The following MYO3B variants were observed in gnomAD, a reference collection of about 807,000 sequenced individuals.
MYO3B encodes myosin IIIB, also known as myosin-IIIb.
In MYO3B, 156 loss-of-function variants were observed where a neutral mutation model predicts 174.6. The observed-to-expected ratio is 0.89, with a 90% CI of 0.78 to 1.02. The LOEUF (loss-of-function observed/expected upper bound fraction) is 1.02, where lower values mean the gene tolerates loss of function less well. MYO3B is among the 50% of genes least tolerant of loss of function. The pLI is 0.00. For synonymous variants in MYO3B, 563 were observed against 569.1 expected (o/e 0.99, Z 0.15); for missense variants, 1,632 against 1,639.4 (o/e 1.00, Z 0.08).
chr2:170,444,866 A>G (rs1199490434), intron 23 of MYO3B, among the ~76,000 whole-genome samples: 2 of 152,208 alleles, frequency 1.3e-5, no homozygotes, highest in Non-Finnish European at 2.9e-5. Context: ...AAACATTAGT[A>G]CTATCTGGGC....
chr2:170,640,441 G>A (rs567463080), intron 32 of MYO3B: 6 of 152,278 alleles, frequency 3.9e-5, no homozygotes, highest in South Asian at 2.1e-4. Flanking sequence ...AAGTGCTGAG[G>A]TGGTTATCAT....
At chr2:170,540,924 A>G (rs1690057993) in intron 30 of MYO3B, among the ~76,000 whole-genome samples, 1 of 152,182 alleles carries the variant, frequency 6.6e-6, no homozygotes, top group African/African-American at 2.4e-5. Flanking sequence ...GCCTCTCGGG[A>G]AAGAAACCTG....
rs190790261 is a variant in MYO3B, at chr2:170,372,009, C to T, written c.971+2632C>T. On this transcript the variant is annotated intron_variant, in intron 9 of 34. Transcript: ENST00000408978. ...GTGCATGGTGGCACATGCCTGTAGTCCCCGGAGGCTGACATGGCAGGATCA... is the reference window on the plus strand; with the variant it reads ...GTGCATGGTGGCACATGCCTGTAGTTCCCGGAGGCTGACATGGCAGGATCA... 3.7e-3 allele frequency among the ~76,000 whole-genome samples: 559 copies of T among 150,046 alleles called. 9 individuals are homozygous for T. Among genetic ancestry groups the T allele is most frequent in the East Asian group, 1.8e-3 (9 of 4,978 alleles).
At chr2:170,507,555 A>G (rs1687689892) in intron 28 of MYO3B, among the ~76,000 whole-genome samples, 1 of 151,950 alleles carries the variant, frequency 6.6e-6, no homozygotes, top group Non-Finnish European at 1.5e-5. Flanking sequence ...ATGCACCACC[A>G]CACCCAGCTC....
chr2:170,362,444 A>G (rs564796111), intron 8 of MYO3B, among the ~76,000 whole-genome samples: 3 of 152,286 alleles, frequency 2.0e-5, no homozygotes, highest in African/African-American at 4.8e-5. Context: ...CTCTGGCAAG[A>G]TGGCAGCTGC....
At chr2:170,577,722 T>G (rs1023996709) in intron 32 of MYO3B, among the ~76,000 whole-genome samples, 14 of 152,190 alleles carry the variant, frequency 9.2e-5, no homozygotes, top group African/African-American at 3.4e-4. Context: ...TTTTAGAAGA[T>G]TCATTTTCCT....
intron 32 of MYO3B, chr2:170,641,082 A>G (rs917681298): frequency 1.3e-5 from 2 of 152,186 alleles, no homozygotes. Context: ...TCCTACTCCA[A>G]TAGACTGGCA....
At chr2:170,184,197 A>T (rs2092436492) in intron 1 of MYO3B, among the ~76,000 whole-genome samples, 1 of 152,140 alleles carries the variant, frequency 6.6e-6, no homozygotes, top group South Asian at 2.1e-4. Context: ...ATTTCTTTGT[A>T]TTACAATCTA....
intron 7 of MYO3B, among the ~76,000 whole-genome samples, chr2:170,291,702 T>C (rs1307180694): frequency 1.0e-5 from 1 of 99,080 alleles, no homozygotes; most frequent in African/African-American, 3.8e-5. Context: ...CATAGTATTC[T>C]TGGATGACAG....
At chr2:170,258,698 G>T (rs2093323326) in intron 7 of MYO3B, among the ~76,000 whole-genome samples, 1 of 152,102 alleles carries the variant, frequency 6.6e-6, no homozygotes, top group Non-Finnish European at 1.5e-5. Flanking sequence ...AGTATTGGAA[G>T]TTCTAGCCAG....
chr2:170,648,881 ATATAT>A (rs1192850274), intron 32 of MYO3B, among the ~76,000 whole-genome samples: 1 of 76,274 alleles, frequency 1.3e-5, no homozygotes, highest in African/African-American at 5.0e-5. Flanking sequence ...TTTATATTCT[ATATAT>A]TATATATGAA....
chr2:170,284,186 A>C (rs1549345), intron 7 of MYO3B, among the ~76,000 whole-genome samples: 127,274 of 152,142 alleles, frequency 0.84, 53,623 homozygotes, highest in East Asian at 0.96. Flanking sequence ...AAATGCCTCT[A>C]ATTATGGGAC....
chr2:170,187,707 T>G (rs2092484018), intron 1 of MYO3B, among the ~76,000 whole-genome samples: 1 of 152,238 alleles, frequency 6.6e-6, no homozygotes, highest in Non-Finnish European at 1.5e-5. Context: ...TATGTTTCCT[T>G]CTTAATTTCT....
chr2:170,453,450 ACAC>A (rs1301889025), intron 23 of MYO3B, among the ~76,000 whole-genome samples: 12 of 118,976 alleles, frequency 1.0e-4, no homozygotes, highest in African/African-American at 2.4e-4. Flanking sequence ...ACACACACAC[ACAC>A]GAGAGAGAGA....
chr2:170,485,860 C>G (rs972084235), intron 25 of MYO3B, among the ~76,000 whole-genome samples: 4 of 152,274 alleles, frequency 2.6e-5, no homozygotes, highest in Non-Finnish European at 4.4e-5. Flanking sequence ...TCACTGGAAA[C>G]AAGTCACTTA....
At chr2:170,650,739 A>AG (rs1192010413) in intron 32 of MYO3B, among the ~76,000 whole-genome samples, 1 of 124,798 alleles carries the variant, frequency 8.0e-6, no homozygotes, top group Non-Finnish European at 1.5e-5. Context: ...GCTGGAGTGC[A>AG]GTGGCACGAT....
chr2:170,650,914 C>T (rs1456437512), intron 32 of MYO3B, among the ~76,000 whole-genome samples: 3 of 151,866 alleles, frequency 2.0e-5, no homozygotes, highest in Non-Finnish European at 2.9e-5. Context: ...GAACTCCTGA[C>T]CTCATGATCC....
chr2:170,372,255 G>A (rs1164471959), intron 9 of MYO3B, among the ~76,000 whole-genome samples: 2 of 151,826 alleles, frequency 1.3e-5, no homozygotes, highest in African/African-American at 2.4e-5. Context: ...TCTATAAAAC[G>A]GGGGTTATTT....
intron 32 of MYO3B, among the ~76,000 whole-genome samples, chr2:170,643,186 C>A (rs971791926): frequency 1.3e-5 from 2 of 152,200 alleles, no homozygotes; most frequent in African/African-American, 2.4e-5. Flanking sequence ...ATCTCTTAGT[C>A]TCACTATGCC....
Sources: gnomAD v4.1 joint callset for allele counts (sites outside exome capture counted in the v4.1 genomes callset) on GRCh38, gnomAD v4.1.1 for gene constraint, MANE v1.5 for transcripts, NCBI Gene and HGNC (gene_info 2026-07-23, HGNC 2026-07-21) for gene names.